The following CTSV variants were observed in gnomAD, a reference collection of about 807,000 sequenced individuals.
The protein encoded by CTSV is cathepsin L2.
Under a neutral mutation model 35.6 loss-of-function variants are expected in CTSV, and 33 were observed. The ratio of observed to expected loss-of-function variants is 0.93; its 90% CI spans 0.70 to 1.24. The LOEUF is 1.24. Among genes scored for constraint, CTSV ranks in the 50% most tolerant of loss-of-function variants. The pLI, the probability that CTSV is intolerant of heterozygous loss-of-function variation, is 0.00. For missense variants in CTSV, 408 were observed against 413.1 expected (o/e 0.99, Z 0.11); for synonymous variants, 154 against 147.1 (o/e 1.05, Z -0.34).
At position 97,032,807 on chromosome 9, in the gene CTSV, A is replaced by C. The variant is rs1828776517; in HGVS notation, c.*142T>G. 1.8e-6 allele frequency: 1 copy of C among 542,438 alleles called. No individual in the cohort carries two copies. Among genetic ancestry groups the C allele is most frequent in the Non-Finnish European group, 3.2e-6 (1 of 312,406 alleles). The allele number at this position is 542,438 out of a possible 1,614,324, so 33.6% of individuals were successfully genotyped here. A position where few individuals can be genotyped will look rare whatever the true frequency, so the allele number is the denominator to read the frequency against. On this transcript the variant is annotated 3_prime_UTR_variant, in exon 8 of 8. Coordinates refer to ENST00000259470, the MANE Select transcript of CTSV (RefSeq NM_001333.4). ...TAGTGGTAACATTTTACCCTTGTAAAAATGTCACAGAATTAAAATCTCAAC... is the reference window on the plus strand; with the variant it reads ...TAGTGGTAACATTTTACCCTTGTAACAATGTCACAGAATTAAAATCTCAAC...
At position 97,037,544 on chromosome 9, in the gene CTSV, G is replaced by A. The variant is rs147486049; in HGVS notation, c.198C>T (p.Tyr66=). 1.0e-4 allele frequency: 166 copies of A among 1,614,168 alleles called. No homozygotes were observed. In the African/African-American group the frequency reaches 1.9e-3, roughly 18 times the overall value. ...TTGTGAAGCCATGTTTCCCTTGGCTGTATTCCCCATTGTGCAGTTCAATCA... is the reference window on the plus strand; with the variant it reads ...TTGTGAAGCCATGTTTCCCTTGGCTATATTCCCCATTGTGCAGTTCAATCA... ...MKMIELHNGE[Y]SQGKHGFTMA... Residue 66 remains tyrosine (Y), a synonymous_variant, in exon 3 of 8, where the codon TAC becomes TAT. Transcript: ENST00000259470.
At position 97,030,216 on chromosome 9, in the gene CTSV, G is replaced by A. The variant is rs1828717972; in HGVS notation, c.*2733C>T. ...TTAGAAAACAGTTTCAACTTTCATA[G>A]GCAAAACATACACATGAACCACACA... On this transcript the variant is annotated 3_prime_UTR_variant, in exon 8 of 8. Transcript: ENST00000259470. 2 of 152,108 alleles carry A rather than the reference G, an allele frequency of 1.3e-5. No homozygotes were observed. Among genetic ancestry groups the A allele is most frequent in the African/African-American group, 4.8e-5 (2 of 41,414 alleles). The allele number at this position is 152,108 out of a possible 1,614,324, so 9.4% of individuals were successfully genotyped here.
chr9:97,039,058 CG>C lies in CTSV; in HGVS notation c.-11+12del. On this transcript the variant is annotated intron_variant, in intron 1 of 7. Transcript: ENST00000259470. ...CCTTCGCCCTGTCCCTCGGTCTGGT[CG>C]GGGGCGCTCACCAGCAGCCGTCGCA... 1 of 152,848 alleles carries C rather than the reference CG, an allele frequency of 6.5e-6. No individual in the cohort carries two copies. Among genetic ancestry groups the C allele is most frequent in the Non-Finnish European group, 1.5e-5 (1 of 68,454 alleles). The allele number at this position is 152,848 out of a possible 1,614,324, so 9.5% of individuals were successfully genotyped here.
intron 1 of CTSV, chr9:97,038,685 G>A (rs1050659518): frequency 2.0e-5 from 3 of 152,348 alleles, no homozygotes; most frequent in African/African-American, 4.8e-5. Context: ...GACCGAGGCA[G>A]GCAGCTCCCG....
intron 1 of CTSV, among the ~76,000 whole-genome samples, chr9:97,038,870 C>T (rs1316218876): frequency 1.3e-5 from 2 of 152,190 alleles, no homozygotes; most frequent in Admixed American, 6.5e-5. Context: ...CTGACCTGCC[C>T]CGCCCGGGCC....
chr9:97,036,478 T>C, intron 5 of CTSV, 45 bp downstream of exon 5: 1 of 1,415,908 alleles, frequency 7.1e-7, no homozygotes, highest in Non-Finnish European at 1.0e-6. Flanking sequence ...GTGTTCCACT[T>C]TCCAAAAGCA....
intron 1 of CTSV, chr9:97,038,440 AG>A: frequency 6.0e-6 from 1 of 168,056 alleles, no homozygotes; most frequent in Admixed American, 5.7e-5. Flanking sequence ...CGGATCCCCA[AG>A]GAACACCACC....
At chr9:97,033,687 A>G (rs1238565356) in intron 7 of CTSV, among the ~76,000 whole-genome samples, 1 of 152,016 alleles carries the variant, frequency 6.6e-6, no homozygotes, top group Non-Finnish European at 1.5e-5. Context: ...AGTCCCAGCT[A>G]CTTGGGAGGC....
intron 2 of CTSV, 27 bp downstream of exon 2, chr9:97,037,891 C>T: frequency 6.2e-7 from 1 of 1,611,972 alleles, no homozygotes; most frequent in South Asian, 1.1e-5. Flanking sequence ...TCCAGAGTCC[C>T]TCTGGACAGT....
chr9:97,039,244 C>T (rs1436997877), upstream of CTSV: 2 of 152,284 alleles, frequency 1.3e-5, no homozygotes, highest in Non-Finnish European at 2.9e-5. Flanking sequence ...GGCGGGGCCC[C>T]GGGCGCTTAG....
intron 5 of CTSV, 97 bp from the exon 6 acceptor site, chr9:97,035,790 G>A: frequency 1.3e-6 from 1 of 753,232 alleles, no homozygotes. Flanking sequence ...TGCAACCTAG[G>A]ATTTCCAAAT....
Position 97,038,028 on chromosome 9 carries a change from C to G in CTSV, c.16G>C (p.Val6Leu). The G allele has an allele frequency of 6.2e-7, 1 of 1,613,500 alleles. No individual in the cohort carries two copies. Among genetic ancestry groups the G allele is most frequent in the Admixed American group, 1.7e-5 (1 of 59,960 alleles). ...ATTCCCAAGCAAAAGGCAGCCAGGA[C>G]GAGCGAAAGATTCATGTTTCAAAAC... MNLSL[V>L]LAAFCLGIAS... The change falls in exon 2 of 8, where the codon GTC (valine) becomes CTC (leucine). Residue 6 changes from valine to leucine, a missense_variant. Transcript: ENST00000259470.
intron 1 of CTSV, chr9:97,038,353 G>A (rs190292489): frequency 1.3e-4 from 35 of 262,762 alleles, no homozygotes; most frequent in Admixed American, 6.6e-4. Context: ...AGTTGGTCCA[G>A]GTTTTGCACC....
chr9:97,033,231 C>G (rs1239395853), intron 7 of CTSV, among the ~76,000 whole-genome samples, 183 bp from the exon 8 acceptor site: 1 of 152,170 alleles, frequency 6.6e-6, no homozygotes, highest in Non-Finnish European at 1.5e-5. Context: ...AATCCCAGCA[C>G]TTTGGGAGGC....
At position 97,035,712 on chromosome 9, in the gene CTSV, G is replaced by A. The variant is rs368828067; in HGVS notation, c.622-19C>T. The A allele has an allele frequency of 7.0e-7, 1 of 1,437,028 alleles. No individual in the cohort carries two copies. The highest frequency in any genetic ancestry group is 2.3e-5 in the Admixed American group (1 of 43,614). 89.0% of individuals were successfully genotyped at this position (1,437,028 alleles called of 1,614,324 possible). On this transcript the variant is annotated intron_variant, in intron 5 of 7. Coordinates refer to ENST00000259470, the MANE Select transcript of CTSV (RefSeq NM_001333.4). The stretch of plus-strand genomic sequence containing the variant: ...TTTCATCCTTTTAAAGTTAAAGGGG[G>A]AGAGACTTGATCACTACCATCTACC...
At chr9:97,038,940 C>T (rs1828906738) in intron 1 of CTSV, 131 bp downstream of exon 1, 1 of 152,522 alleles carries the variant, frequency 6.6e-6, no homozygotes, top group African/African-American at 2.4e-5. Flanking sequence ...TTCCCCACCT[C>T]GAGGCTGGCA....
chr9:97,035,530 G>C lies in CTSV; in HGVS notation c.785C>G (p.Ser262Ter). Reference sequence around the variant, plus strand: ...TTCTATAATAAAATGACACTTACCTGATTTGTAGAACTGGAAGGACGAATG... The same window carrying C: ...TTCTATAATAAAATGACACTTACCTCATTTGTAGAACTGGAAGGACGAATG... Reference protein sequence around the residue: ...AGHSSFQFYKSGIYFEPDCSS... With the variant: ...AGHSSFQFYK The change falls in exon 6 of 8, where the codon TCA (serine) becomes TGA (stop). Residue 262 changes from serine (S) to a stop codon, truncating the protein, a stop_gained and splice_region_variant. Transcript: ENST00000259470. LOFTEE classifies it high-confidence loss of function. The C allele has an allele frequency of 6.6e-7, 1 of 1,523,018 alleles. No individual in the cohort carries two copies. Among genetic ancestry groups the C allele is most frequent in the Non-Finnish European group, 8.9e-7 (1 of 1,129,408 alleles). The allele number at this position is 1,523,018 out of a possible 1,614,324, so 94.3% of individuals were successfully genotyped here. A position where few individuals can be genotyped will look rare whatever the true frequency, so the allele number is the denominator to read the frequency against.
chr9:97,033,319 A>G (rs111644232), intron 7 of CTSV, among the ~76,000 whole-genome samples: 2,218 of 152,078 alleles, frequency 0.015, 51 homozygotes, highest in African/African-American at 0.05. Context: ...TCTATTAAAA[A>G]TACAAAAATT....
chr9:97,037,171 GC>G, intron 4 of CTSV, 80 bp downstream of exon 4: 1 of 1,430,966 alleles, frequency 7.0e-7, no homozygotes, highest in Non-Finnish European at 9.6e-7. Context: ...CATATGTTGT[GC>G]CACCATCTAC....
Sources: gnomAD v4.1 joint callset for allele counts (sites outside exome capture counted in the v4.1 genomes callset) on GRCh38, gnomAD v4.1.1 for gene constraint, MANE v1.5 for transcripts, NCBI Gene and HGNC (gene_info 2026-07-23, HGNC 2026-07-21) for gene names.